The following PTPN12 variants were observed in gnomAD, a reference collection of about 807,000 sequenced individuals.
The protein encoded by PTPN12 is protein tyrosine phosphatase non-receptor type 12, also known as tyrosine-protein phosphatase non-receptor type 12.
PTPN12 carries 29 observed loss-of-function variants against 97.6 expected under a neutral mutation model. The observed-to-expected ratio is 0.30, with a 90% CI of 0.22 to 0.41. The LOEUF is 0.41. Ranked by LOEUF, PTPN12 falls within the 10% of genes least tolerant of loss-of-function variation. The pLI, the probability that PTPN12 is intolerant of heterozygous loss-of-function variation, is 1.00. For synonymous variants in PTPN12, 327 were observed against 300.4 expected, an observed-to-expected ratio of 1.09 and a Z score of -0.91; for missense variants, 819 against 926.0, an observed-to-expected ratio of 0.88 and a Z score of 1.50.
chr7:77,607,358 T>C (rs747919614), intron 9 of PTPN12, 57 bp downstream of exon 9: 7 of 1,216,698 alleles, frequency 5.8e-6, no homozygotes, highest in African/African-American at 3.0e-5. Context: ...TTTTCAAACT[T>C]AATTATAATT....
intron 8 of PTPN12, among the ~76,000 whole-genome samples, chr7:77,605,980 GT>G (rs1788361353): frequency 1.6e-5 from 1 of 64,132 alleles, no homozygotes; most frequent in South Asian, 5.0e-4. Context: ...TTGAGTTGGA[GT>G]TTTACTCTTG....
chr7:77,548,828 C>G (rs958226254), intron 1 of PTPN12, among the ~76,000 whole-genome samples: 1 of 152,154 alleles, frequency 6.6e-6, no homozygotes, highest in Non-Finnish European at 1.5e-5. Context: ...AATAGAGAGC[C>G]TGGGTGACTC....
rs1330377334 is a variant in PTPN12, at chr7:77,537,487, CTG to C, written c.-57_-56del. ...CGAGCTGGGGAAGACGGAGCGGGCT[CTG>C]TGCCGGGCGGGCGGGCGGCGGGGGG... On this transcript the variant is annotated 5_prime_UTR_variant, in exon 1 of 18. Coordinates refer to ENST00000248594, the MANE Select transcript of PTPN12 (RefSeq NM_002835.4). The C allele has an allele frequency of 1.8e-5, 22 of 1,218,588 alleles. No homozygotes were observed. The East Asian group carries it at 4.2e-4, about 23-fold the overall frequency. 75.5% of individuals were successfully genotyped at this position (1,218,588 alleles called of 1,614,324 possible). A position where few individuals can be genotyped will look rare whatever the true frequency, so the allele number is the denominator to read the frequency against.
intron 6 of PTPN12, 174 bp downstream of exon 6, chr7:77,592,430 G>T: frequency 4.1e-6 from 2 of 486,146 alleles, no homozygotes; most frequent in South Asian, 3.7e-5. Flanking sequence ...GGAAGCTTTT[G>T]GGTTGACTTC....
chr7:77,540,394 C>T (rs900872216), intron 1 of PTPN12, among the ~76,000 whole-genome samples: 2 of 151,846 alleles, frequency 1.3e-5, no homozygotes, highest in Non-Finnish European at 2.9e-5. Flanking sequence ...CATGCCACCA[C>T]GCCTGGCTAA....
intron 6 of PTPN12, among the ~76,000 whole-genome samples, chr7:77,596,129 C>A (rs1289898443): frequency 6.6e-6 from 1 of 152,166 alleles, no homozygotes; most frequent in Non-Finnish European, 1.5e-5. Flanking sequence ...GTGGTTACTA[C>A]TTTGCAGATA....
intron 13 of PTPN12, among the ~76,000 whole-genome samples, chr7:77,628,210 C>T (rs1365446456): frequency 6.6e-6 from 1 of 152,208 alleles, no homozygotes; most frequent in Non-Finnish European, 1.5e-5. Context: ...AGGAACAATA[C>T]TGCAAACTGC....
chr7:77,580,983 A>G (rs1331922046), intron 2 of PTPN12, among the ~76,000 whole-genome samples: 1 of 152,196 alleles, frequency 6.6e-6, no homozygotes, highest in Non-Finnish European at 1.5e-5. Flanking sequence ...AGAGTTCCAG[A>G]GATGATTCTT....
intron 1 of PTPN12, among the ~76,000 whole-genome samples, chr7:77,553,699 C>T (rs544319258): frequency 6.6e-6 from 1 of 152,300 alleles, no homozygotes; most frequent in East Asian, 1.9e-4. Context: ...CTCTTGTAGA[C>T]AGCATATAGT....
intron 1 of PTPN12, 94 bp from the exon 2 acceptor site, chr7:77,570,984 T>G: frequency 5.7e-6 from 4 of 702,594 alleles, no homozygotes; most frequent in South Asian, 2.2e-5. Flanking sequence ...GACAGGAAAA[T>G]GAGTTGTGAG....
At chr7:77,632,231 C>T in intron 13 of PTPN12, 117 bp from the exon 14 acceptor site, 5 of 767,690 alleles carry the variant, frequency 6.5e-6, no homozygotes, top group Admixed American at 2.4e-5. Context: ...CATTTTTTTG[C>T]ATTTTTAAAA....
chr7:77,546,268 A>G (rs1191407583), intron 1 of PTPN12, among the ~76,000 whole-genome samples: 1 of 152,232 alleles, frequency 6.6e-6, no homozygotes, highest in Non-Finnish European at 1.5e-5. Context: ...ACCTTCTAGA[A>G]TAAATATTTT....
chr7:77,612,630 G>A (rs1788607711), intron 11 of PTPN12, among the ~76,000 whole-genome samples: 1 of 151,932 alleles, frequency 6.6e-6, no homozygotes, highest in African/African-American at 2.4e-5. Context: ...TAGAGACGGA[G>A]TTTGTCCATG....
At chr7:77,585,637 C>G in intron 5 of PTPN12, 56 bp downstream of exon 5, 1 of 1,441,274 alleles carries the variant, frequency 6.9e-7, no homozygotes, top group East Asian at 2.3e-5. Context: ...TATTCTTAGT[C>G]TTTTATTATT....
At chr7:77,595,586 T>A (rs937950444) in intron 6 of PTPN12, among the ~76,000 whole-genome samples, 13 of 152,192 alleles carry the variant, frequency 8.5e-5, no homozygotes, top group African/African-American at 2.9e-4. Flanking sequence ...ATGCATTAAT[T>A]TATGAATTTG....
At position 77,627,074 on chromosome 7, in the gene PTPN12, A is replaced by G. The variant is rs1488938908; in HGVS notation, c.1395A>G (p.Lys465=). 6.2e-7 allele frequency: 1 copy of G among 1,614,058 alleles called. No homozygotes were observed. The highest frequency in any genetic ancestry group is 8.5e-7 in the Non-Finnish European group (1 of 1,179,966). The change falls in exon 13 of 18, where the codon AAA becomes AAG. Residue 465 remains lysine (K), a synonymous_variant. Transcript: ENST00000248594. ...LLNRGHAIKI[K]SASPCIADKI... ...ATAGGGGACATGCAATTAAAATTAA[A>G]TCTGCTTCACCTTGTATAGCTGATA... is the stretch of plus-strand genomic sequence containing the variant.
intron 3 of PTPN12, among the ~76,000 whole-genome samples, chr7:77,582,886 CA>C (rs1254418891): frequency 3.3e-5 from 5 of 151,626 alleles, no homozygotes; most frequent in Non-Finnish European, 7.4e-5. Flanking sequence ...AGTTAAAAAC[CA>C]AAATGAATAC....
chr7:77,571,580 A>C (rs1469578947), intron 2 of PTPN12, among the ~76,000 whole-genome samples: 5 of 152,236 alleles, frequency 3.3e-5, no homozygotes, highest in East Asian at 1.9e-4. Flanking sequence ...TTAATTATGC[A>C]TGAGAAAATG....
At chr7:77,608,910 A>T (rs953545927) in intron 9 of PTPN12, among the ~76,000 whole-genome samples, 5 of 152,190 alleles carry the variant, frequency 3.3e-5, no homozygotes, top group African/African-American at 1.2e-4. Flanking sequence ...CAAAACAAAC[A>T]TTTGGTCATT....
Sources: allele counts gnomAD v4.1 joint callset (sites outside exome capture counted in the v4.1 genomes callset), GRCh38; gene constraint gnomAD v4.1.1; transcripts MANE v1.5; gene names NCBI Gene and HGNC (gene_info 2026-07-23, HGNC 2026-07-21).